PGD: variants seen among roughly 807,000 people sequenced by gnomAD.
The protein encoded by PGD is phosphogluconate dehydrogenase, also known as 6-phosphogluconate dehydrogenase, decarboxylating.
A neutral mutation model predicts 60.4 loss-of-function variants in PGD; 21 were observed. The ratio of observed to expected loss-of-function variants is 0.35; its 90% CI spans 0.25 to 0.50. The LOEUF is 0.50. PGD is among the 20% of genes least tolerant of loss of function. PGD has a pLI of 0.98. For synonymous variants in PGD, 230 were observed against 235.9 expected (o/e 0.97, Z 0.23); for missense variants, 477 against 613.1 (o/e 0.78, Z 2.34).
At chr1:10,408,036 T>C (rs1639436322) in intron 5 of PGD, 35 bp from the exon 6 acceptor site, 1 of 1,316,680 alleles carries the variant, frequency 7.6e-7, no homozygotes, top group Non-Finnish European at 1.1e-6. Flanking sequence ...GCCCGTCTCT[T>C]CTCATTAACT....
intron 5 of PGD, among the ~76,000 whole-genome samples, chr1:10,407,449 C>CT (rs1639427036): frequency 6.6e-6 from 1 of 152,124 alleles, no homozygotes; most frequent in African/African-American, 2.4e-5. Context: ...GACCCTGTCT[C>CT]TAAGAAGACA....
At chr1:10,405,857 C>G (rs1179288344) in intron 5 of PGD, among the ~76,000 whole-genome samples, 1 of 151,826 alleles carries the variant, frequency 6.6e-6, no homozygotes, top group Non-Finnish European at 1.5e-5. Context: ...AAAAATGATT[C>G]TTTTTTTGAG....
rs1049887 is a variant in PGD at position 10,400,428 on chromosome 1, T to C, written c.120T>C (p.Asp40=). 0.29 allele frequency: 466,603 copies of C among 1,612,464 alleles called. 69,872 individuals are homozygous for C. Among genetic ancestry groups the C allele is most frequent in the Admixed American group, 0.33 (19,963 of 59,948 alleles). Residue 40 remains aspartate (D), a synonymous_variant, in exon 3 of 13, where the codon GAT becomes GAC. Coordinates refer to ENST00000270776, the MANE Select transcript of PGD (RefSeq NM_002631.4). ...TTAATAGGACTGTCTCCAAAGTTGA[T>C]GATTTCTTGGCCAATGAGGCAAAGG... is the stretch of plus-strand genomic sequence containing the variant. ...CAFNRTVSKV[D]DFLANEAKGT... is the part of the protein sequence containing the mutation.
At position 10,408,062 on chromosome 1, in the gene PGD, T is replaced by C. The variant is rs770976350; in HGVS notation, c.450-9T>C. 3.2e-5 allele frequency: 50 copies of C among 1,580,754 alleles called. No homozygotes were observed. In the Admixed American group the frequency reaches 8.2e-4, roughly 26 times the overall value. On this transcript the variant is annotated splice_polypyrimidine_tract_variant and intron_variant, in intron 5 of 12. Transcript: ENST00000270776. ...CTCATTAACTGAACCACACTGTTTC[T>C]TTACACAGGCCCCACATCAAGACCA...
rs7551837 is a variant in PGD, at chr1:10,420,043, G to A, written c.*294G>A. ...CGTGTGCTGGTGCGGTTCCCATCACGCAGACAGGAAGGGTGTTTGCGCACT... is the reference window on the plus strand; with the variant it reads ...CGTGTGCTGGTGCGGTTCCCATCACACAGACAGGAAGGGTGTTTGCGCACT... On this transcript the variant is annotated 3_prime_UTR_variant, in exon 13 of 13. Transcript: ENST00000270776. 13 of 383,736 alleles carry A rather than the reference G, an allele frequency of 3.4e-5. No homozygotes were observed. Among genetic ancestry groups the A allele is most frequent in the African/African-American group, 2.3e-4 (11 of 48,584 alleles). The allele number at this position is 383,736 out of a possible 1,614,324, so 23.8% of individuals were successfully genotyped here.
At chr1:10,414,188 TCTC>T (rs1476350842) in intron 8 of PGD, among the ~76,000 whole-genome samples, 7 of 152,200 alleles carry the variant, frequency 4.6e-5, no homozygotes, top group Non-Finnish European at 1.0e-4. Flanking sequence ...CTAAGTTCCT[TCTC>T]CTTCCTCTTT....
chr1:10,405,990 A>G (rs1639398361), intron 5 of PGD, among the ~76,000 whole-genome samples: 2 of 152,028 alleles, frequency 1.3e-5, no homozygotes, highest in South Asian at 2.1e-4. Flanking sequence ...AGTGGCTGGA[A>G]CTACAGGCAC....
At chr1:10,417,151 G>A (rs1409158197) in intron 9 of PGD, 34 bp downstream of exon 9, 1 of 1,612,334 alleles carries the variant, frequency 6.2e-7, no homozygotes, top group East Asian at 2.2e-5. Flanking sequence ...GTCTTTGTTG[G>A]TCCTGCGGAA....
chr1:10,409,709 G>A lies in PGD; in HGVS notation c.519+1569G>A, dbSNP rs1383509497. On this transcript the variant is annotated intron_variant, in intron 6 of 12. Coordinates refer to ENST00000270776, the MANE Select transcript of PGD (RefSeq NM_002631.4). Reference sequence around the variant, plus strand: ...CTTGCTTTATCGTCCAGGCTGGAGTGCAGTGGCATAATCTCAGCTCACTGC... The same window carrying A: ...CTTGCTTTATCGTCCAGGCTGGAGTACAGTGGCATAATCTCAGCTCACTGC... Among the ~76,000 whole-genome samples, 7 of 136,654 alleles carry A rather than the reference G, an allele frequency of 5.1e-5. No individual in the cohort carries two copies. In the East Asian group the frequency reaches 1.3e-3, roughly 25 times the overall value. The allele number at this position is 136,654 out of a possible 152,430, so 89.7% of individuals were successfully genotyped here.
In PGD at chr1:10,419,737, A is replaced by G; in HGVS notation, c.1440A>G (p.Ser480=). Residue 480 remains serine (S), a synonymous_variant, in exon 13 of 13, where the codon TCA becomes TCG. Coordinates refer to ENST00000270776, the MANE Select transcript of PGD (RefSeq NM_002631.4). ...ATGGTGGCACCGTGTCATCCTCGTC[A>G]TACAATGCCTGATCATGCTGCTCCT... ...TGHGGTVSSS[S]YNA 1.2e-6 allele frequency: 2 copies of G among 1,614,194 alleles called. No homozygotes were observed. The highest frequency in any genetic ancestry group is 2.7e-5 in the African/African-American group (2 of 75,054).
At chr1:10,413,573 G>A (rs1639543241) in intron 8 of PGD, among the ~76,000 whole-genome samples, 1 of 152,138 alleles carries the variant, frequency 6.6e-6, no homozygotes, top group South Asian at 2.1e-4. Flanking sequence ...TTTTATTTAT[G>A]AGGCAGGTAA....
chr1:10,404,158 C>T lies in PGD; in HGVS notation c.331-3C>T, dbSNP rs764164193. On this transcript the variant is annotated splice_polypyrimidine_tract_variant and splice_region_variant and intron_variant, in intron 4 of 12. Transcript: ENST00000270776. ...ATAATGAAATTATTTTTCTGTCCTT[C>T]AGAGACGGTGCCGAGACCTCAAGGC... 23 of 1,596,716 alleles carry T rather than the reference C, an allele frequency of 1.4e-5. No individual in the cohort carries two copies. Among genetic ancestry groups the T allele is most frequent in the Non-Finnish European group, 1.9e-5 (22 of 1,168,454 alleles).
intron 11 of PGD, among the ~76,000 whole-genome samples, chr1:10,419,162 C>T (rs574638466): frequency 2.0e-5 from 3 of 149,244 alleles, no homozygotes; most frequent in South Asian, 4.3e-4. Flanking sequence ...GGTGTGCCAA[C>T]ATACCTGGCT....
chr1:10,412,988 GGA>G, intron 7 of PGD, 72 bp from the exon 8 acceptor site: 8 of 1,289,930 alleles, frequency 6.2e-6, no homozygotes, highest in Non-Finnish European at 8.9e-6. Context: ...TGGTCAGCGT[GGA>G]CATTGGACAA....
intron 5 of PGD, 38 bp downstream of exon 5, chr1:10,404,317 G>A (rs766491924): frequency 1.8e-5 from 24 of 1,310,072 alleles, no homozygotes; most frequent in Non-Finnish European, 2.1e-5. Flanking sequence ...TCTGTACAAG[G>A]GAGCTGGACT....
At position 10,406,013 on chromosome 1, in the gene PGD, C is replaced by G. The variant is rs529256192; in HGVS notation, c.449+1734C>G. 1.4e-4 allele frequency among the ~76,000 whole-genome samples: 21 copies of G among 152,174 alleles called. No homozygotes were observed. In the East Asian group the frequency reaches 3.1e-3, roughly 22 times the overall value. ...GAACTACAGGCACCCACGACCACGC[C>G]CAGCTAATTTTTTGTATTTTTAGTA... On this transcript the variant is annotated intron_variant, in intron 5 of 12. Coordinates refer to ENST00000270776, the MANE Select transcript of PGD (RefSeq NM_002631.4).
At position 10,399,692 on chromosome 1, in the gene PGD, C is replaced by G. The variant is rs755713587; in HGVS notation, c.72C>G (p.Asp24Glu). The change falls in exon 2 of 13, where the codon GAC becomes GAG. Residue 24 changes from aspartate (D) to glutamate (E), a missense_variant. Transcript: ENST00000270776. ...AGAACTTAATTCTGAACATGAATGACCACGGCTTTGTGGTAAGCGGCGTGG... is the reference window on the plus strand; with the variant it reads ...AGAACTTAATTCTGAACATGAATGAGCACGGCTTTGTGGTAAGCGGCGTGG... ...MGQNLILNMN[D>E]HGFVVCAFNR... 3.1e-6 allele frequency: 5 copies of G among 1,613,956 alleles called. No homozygotes were observed. Among genetic ancestry groups the G allele is most frequent in the Non-Finnish European group, 4.2e-6 (5 of 1,179,938 alleles).
chr1:10,410,162 T>C (rs911474144), intron 6 of PGD, among the ~76,000 whole-genome samples: 7 of 151,882 alleles, frequency 4.6e-5, no homozygotes, highest in Admixed American at 3.9e-4. Context: ...AATAGAAACA[T>C]GGACAAGGCC....
intron 5 of PGD, among the ~76,000 whole-genome samples, chr1:10,406,088 C>T (rs973638368): frequency 6.6e-6 from 1 of 152,174 alleles, no homozygotes; most frequent in South Asian, 2.1e-4. Flanking sequence ...CCCCTGATCT[C>T]GTGATCTGCC....
Sources: allele counts gnomAD v4.1 joint callset (sites outside exome capture counted in the v4.1 genomes callset), GRCh38; gene constraint gnomAD v4.1.1; transcripts MANE v1.5; gene names NCBI Gene and HGNC (gene_info 2026-07-23, HGNC 2026-07-21).